PRRC2C: variants seen among roughly 807,000 people sequenced by gnomAD.
PRRC2C encodes the protein protein PRRC2C.
In PRRC2C, 72 loss-of-function variants were observed where a neutral mutation model predicts 317.2. The observed-to-expected ratio is 0.23, with a 90% confidence interval of 0.19 to 0.28. The LOEUF (loss-of-function observed/expected upper bound fraction) is 0.28. PRRC2C is among the 10% of genes least tolerant of loss of function. The probability of loss-of-function intolerance (pLI) is 1.00; values close to 1 mark genes in which losing one functional copy is unlikely to be tolerated. For synonymous variants in PRRC2C, 1,296 were observed against 1,205.9 expected, an observed-to-expected ratio of 1.07 and a Z score of -1.55; for missense variants, 3,074 against 3,459.7, an observed-to-expected ratio of 0.89 and a Z score of 2.80.
At position 171,584,442 on chromosome 1, in the gene PRRC2C, C is replaced by T. The variant is rs1312621646; in HGVS notation, c.7665C>T (p.Ala2555=). 4 of 1,584,208 alleles carry T rather than the reference C, an allele frequency of 2.5e-6. No homozygotes were observed. The highest frequency in any genetic ancestry group is 3.4e-6 in the Non-Finnish European group (4 of 1,165,190). ...LLQARANLTQ[A]SNLYSGQVQQ... Reference sequence around the variant, plus strand: ...AGGCCAGAGCAAATCTTACCCAGGCCTCAAATCTTTATTCTGGACAAGTAC... The same window carrying T: ...AGGCCAGAGCAAATCTTACCCAGGCTTCAAATCTTTATTCTGGACAAGTAC... Residue 2555 remains alanine, a synonymous_variant, in exon 30 of 35, where the codon GCC becomes GCT. Coordinates refer to ENST00000647382, the MANE Select transcript of PRRC2C (RefSeq NM_001387844.1).
At chr1:171,588,955 A>G (rs1650712087) in intron 33 of PRRC2C, among the ~76,000 whole-genome samples, 1 of 152,252 alleles carries the variant, frequency 6.6e-6, no homozygotes, top group African/African-American at 2.4e-5. Context: ...AAGGACTAAG[A>G]ACTCTCACAA....
intron 12 of PRRC2C, among the ~76,000 whole-genome samples, chr1:171,533,942 C>T (rs934172505): frequency 1.3e-5 from 2 of 152,052 alleles, no homozygotes; most frequent in Non-Finnish European, 1.5e-5. Flanking sequence ...TTTTAATGAA[C>T]GACTTGAATT....
At chr1:171,554,222 A>G (rs566905069) in intron 18 of PRRC2C, among the ~76,000 whole-genome samples, 9 of 152,260 alleles carry the variant, frequency 5.9e-5, no homozygotes, top group South Asian at 2.1e-4. Context: ...CCGTTATGTA[A>G]TGGTCTTCTT....
chr1:171,550,110 C>T lies in PRRC2C; in HGVS notation c.4997C>T (p.Pro1666Leu). ...YASVVIIDDH[P>L]EVTVIEDPQS... ...GGTGTTGTTATAATTGATGATCATCCTGAAGTAACAGTAATTGAAGATCCC... is the reference window on the plus strand; with the variant it reads ...GGTGTTGTTATAATTGATGATCATCTTGAAGTAACAGTAATTGAAGATCCC... The change falls in exon 18 of 35, where the codon CCT (proline) becomes CTT (leucine). Residue 1666 changes from proline to leucine, a missense_variant. Coordinates refer to ENST00000647382, the MANE Select transcript of PRRC2C (RefSeq NM_001387844.1). The T allele has an allele frequency of 6.2e-7, 1 of 1,605,488 alleles. No homozygotes were observed. The highest frequency in any genetic ancestry group is 8.5e-7 in the Non-Finnish European group (1 of 1,175,958).
At chr1:171,534,210 C>CT (rs955088578) in intron 12 of PRRC2C, among the ~76,000 whole-genome samples, 5 of 151,752 alleles carry the variant, frequency 3.3e-5, no homozygotes, top group African/African-American at 9.7e-5. Context: ...TGTTAAGACT[C>CT]TAAGATTTCA....
chr1:171,569,138 A>G (rs1684230942), intron 23 of PRRC2C, among the ~76,000 whole-genome samples: 1 of 152,110 alleles, frequency 6.6e-6, no homozygotes, highest in African/African-American at 2.4e-5. Context: ...GAGAGGTATG[A>G]TGGAAATTTG....
rs1683761016 is a variant in PRRC2C, at chr1:171,566,894, A to C, written c.6558+51A>C. ...TTCAACAGATGCAAGCCATGTCTAA[A>C]ATGAACGAGAAGAACAGCAACAGTC... On this transcript the variant is annotated intron_variant, in intron 22 of 34. Transcript: ENST00000647382. 7.8e-6 allele frequency: 12 copies of C among 1,542,614 alleles called. No individual in the cohort carries two copies. The South Asian group carries it at 1.4e-4, about 18-fold the overall frequency.
chr1:171,579,250 G>A (rs537356907), intron 26 of PRRC2C, 104 bp from the exon 27 acceptor site: 2 of 1,401,710 alleles, frequency 1.4e-6, no homozygotes, highest in East Asian at 5.0e-5. Flanking sequence ...TTCAGAGGGT[G>A]CACTTAATTT....
intron 1 of PRRC2C, among the ~76,000 whole-genome samples, chr1:171,491,920 G>A (rs1017129127): frequency 3.9e-5 from 6 of 151,964 alleles, no homozygotes; most frequent in African/African-American, 1.5e-4. Flanking sequence ...TTTAATGTTA[G>A]GTTTTATAAT....
intron 24 of PRRC2C, among the ~76,000 whole-genome samples, chr1:171,572,138 G>GT (rs1439944212): frequency 2.0e-5 from 3 of 151,496 alleles, no homozygotes; most frequent in African/African-American, 4.9e-5. Flanking sequence ...ATTAAAGGAG[G>GT]TTTTTTTTAA....
chr1:171,580,005 CATT>C, intron 28 of PRRC2C, 41 bp downstream of exon 28: 2 of 1,421,678 alleles, frequency 1.4e-6, no homozygotes, highest in Middle Eastern at 1.9e-4. Context: ...ATGTTGAAAA[CATT>C]GTAACTGCTG....
chr1:171,537,504 A>G, intron 15 of PRRC2C, 31 bp downstream of exon 15: 1 of 1,525,228 alleles, frequency 6.6e-7, no homozygotes, highest in Non-Finnish European at 8.9e-7. Context: ...AATAGATGAT[A>G]CAGAATATTT....
chr1:171,495,222 C>T (rs564631822), intron 1 of PRRC2C, among the ~76,000 whole-genome samples: 1 of 152,320 alleles, frequency 6.6e-6, no homozygotes, highest in Admixed American at 6.5e-5. Context: ...AGTATTGTCA[C>T]ACTACTAGCT....
chr1:171,591,989 G>A lies in PRRC2C; in HGVS notation c.*142G>A. 1 of 1,106,514 alleles carries A rather than the reference G, an allele frequency of 9.0e-7. No homozygotes were observed. Among genetic ancestry groups the A allele is most frequent in the Non-Finnish European group, 1.3e-6 (1 of 772,790 alleles). 68.5% of individuals were successfully genotyped at this position (1,106,514 alleles called of 1,614,324 possible). ...TTGGAGATGTACAAGGGACATAGGA[G>A]CAATTTACACTGACACACAGCTGCT... On this transcript the variant is annotated 3_prime_UTR_variant, in exon 35 of 35. Coordinates refer to ENST00000647382, the MANE Select transcript of PRRC2C (RefSeq NM_001387844.1).
chr1:171,575,269 A>G (rs1685507115), intron 25 of PRRC2C, 141 bp downstream of exon 25: 1 of 837,932 alleles, frequency 1.2e-6, no homozygotes, highest in Non-Finnish European at 1.8e-6. Context: ...TGCTGGGATT[A>G]CAGGCATGAG....
intron 1 of PRRC2C, among the ~76,000 whole-genome samples, chr1:171,508,669 A>G (rs1357050731): frequency 6.6e-6 from 1 of 152,234 alleles, no homozygotes; most frequent in Non-Finnish European, 1.5e-5. Context: ...TCATAAGAAT[A>G]TGGAGAAGCT....
chr1:171,526,022 C>CT (rs1192042976), intron 10 of PRRC2C, among the ~76,000 whole-genome samples: 3 of 152,010 alleles, frequency 2.0e-5, no homozygotes, highest in African/African-American at 4.8e-5. Context: ...ATTTTAATAA[C>CT]TTTTTTGTGT....
At chr1:171,580,073 T>C (rs1008172803) in intron 28 of PRRC2C, 109 bp downstream of exon 28, 1 of 982,138 alleles carries the variant, frequency 1.0e-6, no homozygotes. Flanking sequence ...AGGATGACTC[T>C]GCTATAAACT....
intron 1 of PRRC2C, among the ~76,000 whole-genome samples, chr1:171,500,979 G>A (rs984246725): frequency 6.6e-6 from 1 of 152,180 alleles, no homozygotes; most frequent in African/African-American, 2.4e-5. Context: ...GCTCACTGCA[G>A]CCTCGACTTC....
Sources: allele counts gnomAD v4.1 joint callset (sites outside exome capture counted in the v4.1 genomes callset), GRCh38; gene constraint gnomAD v4.1.1; transcripts MANE v1.5; gene names NCBI Gene and HGNC (gene_info 2026-07-23, HGNC 2026-07-21).